Variants in ANKRD11 observed in about 807,000 individuals in gnomAD.
The protein encoded by ANKRD11 is ankyrin repeat domain-containing protein 11.
Under a neutral mutation model 195.7 loss-of-function variants are expected in ANKRD11, and 17 were observed. That is an observed-to-expected ratio of 0.09 (90% confidence interval 0.06 to 0.13). The LOEUF (loss-of-function observed/expected upper bound fraction) is 0.13. Among genes scored for constraint, ANKRD11 ranks in the 10% least tolerant of loss-of-function variants. The pLI is 1.00. For synonymous variants in ANKRD11, 1,953 were observed against 1,528.1 expected, an observed-to-expected ratio of 1.28 and a Z score of -6.49; for missense variants, 3,735 against 3,566.1, an observed-to-expected ratio of 1.05 and a Z score of -1.21.
At chr16:89,473,109 G>A (rs2057142947) in intron 1 of ANKRD11, among the ~76,000 whole-genome samples, 1 of 151,902 alleles carries the variant, frequency 6.6e-6, no homozygotes, top group South Asian at 2.1e-4. Context: ...GAGCCCAGGA[G>A]GTCAAGGCTG....
In ANKRD11 at chr16:89,280,444, C is replaced by T; in HGVS notation, c.6098G>A (p.Gly2033Glu). Residue 2033 changes from glycine (G) to glutamate (E), a missense_variant, in exon 9 of 13, where the codon GGG becomes GAG. Transcript: ENST00000301030. ...APYALPVAEP[G>E]LEDVKDGVDA... is the part of the protein sequence containing the mutation. ...CACTCCGTCCTTGACGTCCTCCAGC[C>T]CCGGCTCAGCGACGGGCAGAGCGTA... 1 of 1,585,790 alleles carries T rather than the reference C, an allele frequency of 6.3e-7. No individual in the cohort carries two copies.
At chr16:89,367,149 G>C (rs1046342347) in intron 2 of ANKRD11, among the ~76,000 whole-genome samples, 1 of 152,202 alleles carries the variant, frequency 6.6e-6, no homozygotes, top group Non-Finnish European at 1.5e-5. Context: ...ACCCATCGGT[G>C]AGGAAGAGCA....
Position 89,305,208 on chromosome 16 carries a change from G to C in ANKRD11, c.224C>G (p.Thr75Arg), listed in dbSNP as rs1196392572. The change falls in exon 4 of 13, where the codon ACA (threonine) becomes AGA (arginine). Residue 75 changes from threonine to arginine, a missense_variant and splice_region_variant. Physicochemically the swap from Thr to Arg is moderately conservative, Grantham distance 71 (BLOSUM62 -1). Transcript: ENST00000301030. ...GANGEQKDSD[T>R]EKQGPERKRI... ...CAGGAGGGGCCGCGGGCTGGTACCT[G>C]TGTCCGAGTCCTTCTGCTCCCCATT... 2.5e-6 allele frequency: 4 copies of C among 1,612,196 alleles called. No homozygotes were observed. Among genetic ancestry groups the C allele is most frequent in the African/African-American group, 1.3e-5 (1 of 75,020 alleles).
chr16:89,350,560 A>G (rs927825436), intron 2 of ANKRD11, among the ~76,000 whole-genome samples: 1 of 152,234 alleles, frequency 6.6e-6, no homozygotes, highest in Non-Finnish European at 1.5e-5. Context: ...TCCACACTCA[A>G]TGATTCCATT....
intron 1 of ANKRD11, among the ~76,000 whole-genome samples, chr16:89,426,528 A>ATC (rs753340446): frequency 7.6e-5 from 4 of 52,786 alleles, no homozygotes; most frequent in African/African-American, 1.9e-4. Context: ...TCACTTAAAC[A>ATC]TCACACACAC....
chr16:89,272,291 G>A (rs1480566844), intron 11 of ANKRD11: 1 of 152,210 alleles, frequency 6.6e-6, no homozygotes, highest in Non-Finnish European at 1.5e-5. Flanking sequence ...GTACCCCGTT[G>A]GTGGGAATGT....
chr16:89,352,975 C>T (rs1205873201), intron 2 of ANKRD11, among the ~76,000 whole-genome samples: 1 of 152,170 alleles, frequency 6.6e-6, no homozygotes, highest in Non-Finnish European at 1.5e-5. Flanking sequence ...TTATGGAAAA[C>T]ATTAAACCTT....
At chr16:89,357,741 A>C (rs551826350) in intron 2 of ANKRD11, among the ~76,000 whole-genome samples, 1 of 152,224 alleles carries the variant, frequency 6.6e-6, no homozygotes, top group East Asian at 1.9e-4. Context: ...AGGGACAAAC[A>C]GCAGCTGCAC....
chr16:89,490,203 G>C (rs1486872497), intron 1 of ANKRD11, 42 bp downstream of exon 1: 1 of 151,090 alleles, frequency 6.6e-6, no homozygotes, highest in African/African-American at 2.4e-5. Flanking sequence ...AATGCCCCGT[G>C]CCCGCCCCGA....
intron 2 of ANKRD11, chr16:89,323,304 C>T (rs557138257): frequency 7.8e-7 from 1 of 1,288,842 alleles, no homozygotes; most frequent in Admixed American, 2.3e-5. Flanking sequence ...GTGACACACC[C>T]TATGACCCAC....
At chr16:89,287,007 G>A in intron 7 of ANKRD11, 2 of 1,289,600 alleles carry the variant, frequency 1.6e-6, no homozygotes, top group Non-Finnish European at 2.0e-6. Context: ...GTTCTTATGT[G>A]TGTGAGTTTT....
chr16:89,422,416 G>C (rs1449955716), intron 1 of ANKRD11, among the ~76,000 whole-genome samples: 2 of 152,200 alleles, frequency 1.3e-5, no homozygotes, highest in African/African-American at 4.8e-5. Context: ...AGTGGTATTT[G>C]AGGGGATGGA....
intron 7 of ANKRD11, 30 bp from the exon 8 acceptor site, chr16:89,286,216 C>T: frequency 6.2e-7 from 1 of 1,609,620 alleles, no homozygotes; most frequent in Non-Finnish European, 8.5e-7. Flanking sequence ...GCGTCAGGGA[C>T]TGCTGGAGAA....
At chr16:89,446,599 G>A (rs568106476) in intron 1 of ANKRD11, among the ~76,000 whole-genome samples, 20 of 152,116 alleles carry the variant, frequency 1.3e-4, no homozygotes, top group South Asian at 4.2e-4. Flanking sequence ...GCGAGCCCCC[G>A]TCTCAAACAA....
Position 89,318,670 on chromosome 16 carries a change from A to G in ANKRD11, c.-59-1592T>C, listed in dbSNP as rs1244535992. 3.3e-5 allele frequency among the ~76,000 whole-genome samples: 5 copies of G among 152,202 alleles called. No individual in the cohort carries two copies. In the East Asian group the frequency reaches 7.7e-4, roughly 23 times the overall value. Reference sequence around the variant, plus strand: ...TGGACGCAGGCTTGGCTGAGACCACAAGATGCTTCTCCTCCAACACCATCT... The same window carrying G: ...TGGACGCAGGCTTGGCTGAGACCACGAGATGCTTCTCCTCCAACACCATCT... On this transcript the variant is annotated intron_variant, in intron 2 of 12. Coordinates refer to ENST00000301030, the MANE Select transcript of ANKRD11 (RefSeq NM_013275.6).
chr16:89,315,934 C>A (rs2036929230), intron 3 of ANKRD11, among the ~76,000 whole-genome samples: 1 of 152,148 alleles, frequency 6.6e-6, no homozygotes, highest in East Asian at 1.9e-4. Context: ...CAAGAGGCCT[C>A]ACAGGTAGTG....
At chr16:89,368,509 C>G (rs952528321) in intron 2 of ANKRD11, among the ~76,000 whole-genome samples, 1 of 150,868 alleles carries the variant, frequency 6.6e-6, no homozygotes, top group Non-Finnish European at 1.5e-5. Flanking sequence ...CATGAGCCAC[C>G]GCGCCCAGCC....
intron 2 of ANKRD11, among the ~76,000 whole-genome samples, chr16:89,347,122 G>A (rs1367385977): frequency 2.6e-5 from 4 of 152,164 alleles, no homozygotes; most frequent in African/African-American, 7.2e-5. Flanking sequence ...GGTGTCTCTC[G>A]TTGGTCCGGG....
chr16:89,449,670 G>A (rs1223639228), intron 1 of ANKRD11, among the ~76,000 whole-genome samples: 5 of 152,074 alleles, frequency 3.3e-5, no homozygotes, highest in African/African-American at 1.2e-4. Context: ...GTACATGCCT[G>A]TAATCCCAGC....
Sources: gnomAD v4.1 joint callset for allele counts (sites outside exome capture counted in the v4.1 genomes callset) on GRCh38, gnomAD v4.1.1 for gene constraint, MANE v1.5 for transcripts, NCBI Gene and HGNC (gene_info 2026-07-23, HGNC 2026-07-21) for gene names.